The following ADAMTS17 variants were observed in gnomAD, a reference collection of about 807,000 sequenced individuals.
ADAMTS17 encodes the protein A disintegrin and metalloproteinase with thrombospondin motifs 17.
Under a neutral mutation model 141.5 loss-of-function variants are expected in ADAMTS17, and 113 were observed. The ratio of observed to expected loss-of-function variants is 0.80; its 90% CI spans 0.69 to 0.93. ADAMTS17 has a LOEUF of 0.93. Among genes scored for constraint, ADAMTS17 ranks in the 40% least tolerant of loss-of-function variants. The pLI is 0.00. For synonymous variants in ADAMTS17, 768 were observed against 630.6 expected (o/e 1.22, Z -3.27); for missense variants, 1,659 against 1,517.9 (o/e 1.09, Z -1.54).
At position 100,020,878 on chromosome 15, in the gene ADAMTS17, C is replaced by T. The variant is rs150432863; in HGVS notation, c.2592-23289G>A. Among the ~76,000 whole-genome samples, 125 of 152,076 alleles carry T rather than the reference C, an allele frequency of 8.2e-4. 1 individual carries two copies. The East Asian group carries it at 0.021, about 25-fold the overall frequency. On this transcript the variant is annotated intron_variant, in intron 18 of 21. Transcript: ENST00000268070. ...TGACGTGTCATAATCATCTTTAGTA[C>T]AGATGACAGCTTTGTCACTGGCAGC...
At chr15:100,036,515 A>T (rs1237806438) in intron 18 of ADAMTS17, among the ~76,000 whole-genome samples, 2 of 152,086 alleles carry the variant, frequency 1.3e-5, no homozygotes, top group African/African-American at 4.8e-5. Flanking sequence ...CAGCCTCTGC[A>T]CTCACGGGAG....
At chr15:100,236,712 C>A (rs574425360) in intron 7 of ADAMTS17, among the ~76,000 whole-genome samples, 1 of 152,220 alleles carries the variant, frequency 6.6e-6, no homozygotes, top group East Asian at 1.9e-4. Context: ...GTGGTGCGTG[C>A]CTCTTGTCCC....
chr15:100,151,310 G>C (rs1244215910), intron 10 of ADAMTS17, among the ~76,000 whole-genome samples: 1 of 152,206 alleles, frequency 6.6e-6, no homozygotes, highest in Non-Finnish European at 1.5e-5. Flanking sequence ...GTTTTAAGGA[G>C]CTGCCCTTTT....
intron 6 of ADAMTS17, among the ~76,000 whole-genome samples, chr15:100,260,230 G>A (rs779032290): frequency 5.3e-5 from 8 of 152,210 alleles, no homozygotes; most frequent in East Asian, 3.8e-4. Flanking sequence ...TGACTGAGAC[G>A]TCATGGGGCT....
At chr15:100,109,389 C>G (rs75723728) in intron 13 of ADAMTS17, among the ~76,000 whole-genome samples, 2 of 152,030 alleles carry the variant, frequency 1.3e-5, no homozygotes, top group East Asian at 1.9e-4. Context: ...AAGGCATCAA[C>G]TATACCCGGT....
intron 18 of ADAMTS17, among the ~76,000 whole-genome samples, chr15:100,047,838 C>A (rs573125380): frequency 6.6e-6 from 1 of 152,190 alleles, no homozygotes; most frequent in South Asian, 2.1e-4. Context: ...GTTCGTGGTA[C>A]AGCTGCTCAT....
intron 8 of ADAMTS17, among the ~76,000 whole-genome samples, chr15:100,164,512 G>A (rs569457076): frequency 6.6e-6 from 1 of 152,286 alleles, no homozygotes; most frequent in Non-Finnish European, 1.5e-5. Context: ...GGTCACATGC[G>A]AAAACAGCCA....
chr15:99,974,558 A>C lies in ADAMTS17; in HGVS notation c.3132T>G (p.Ala1044=). Residue 1044 remains alanine (A), a synonymous_variant, in exon 22 of 22, where the codon GCT becomes GCG. Coordinates refer to ENST00000268070, the MANE Select transcript of ADAMTS17 (RefSeq NM_139057.4). ...GGTCTCGTGTGCATTTGTAGGTCAG[A>C]GCAGCTAAGGGGATAGGAGAGAGAA... is the stretch of plus-strand genomic sequence containing the variant. ...ANTITSPRLA[A]LTYKCTRDQW... 6.2e-7 allele frequency: 1 copy of C among 1,614,224 alleles called. No homozygotes were observed.
chr15:100,134,106 C>A (rs573465207), intron 10 of ADAMTS17, among the ~76,000 whole-genome samples: 3 of 152,238 alleles, frequency 2.0e-5, no homozygotes, highest in Non-Finnish European at 4.4e-5. Context: ...TCTGAAGGAA[C>A]CACATGCAGA....
At chr15:100,329,922 C>A (rs1047645736) in intron 3 of ADAMTS17, among the ~76,000 whole-genome samples, 1 of 152,222 alleles carries the variant, frequency 6.6e-6, no homozygotes, top group African/African-American at 2.4e-5. Context: ...TAAACCAAGA[C>A]ACATTGTTTC....
In ADAMTS17 at chr15:100,301,355, GTC is replaced by G. The variant is rs148610042; in HGVS notation, c.617-19956_617-19955del. 5.9e-3 allele frequency among the ~76,000 whole-genome samples: 897 copies of G among 150,918 alleles called. 8 individuals are homozygous for G. The highest frequency in any genetic ancestry group is 0.02 in the Middle Eastern group (6 of 294). ...TATATATATATTTTTCTGAGACGGA[GTC>G]TCTGTTGCCCAGGCTGAAGTGCAGT... is the stretch of plus-strand genomic sequence containing the variant. On this transcript the variant is annotated intron_variant, in intron 3 of 21. Coordinates refer to ENST00000268070, the MANE Select transcript of ADAMTS17 (RefSeq NM_139057.4).
chr15:100,210,414 A>C, intron 7 of ADAMTS17, among the ~76,000 whole-genome samples: 1 of 152,104 alleles, frequency 6.6e-6, no homozygotes, highest in East Asian at 1.9e-4. Context: ...GGTGAGGTAC[A>C]TATTGTTATT....
At chr15:100,173,099 T>A (rs1176219495) in intron 8 of ADAMTS17, among the ~76,000 whole-genome samples, 1 of 152,196 alleles carries the variant, frequency 6.6e-6, no homozygotes, top group Non-Finnish European at 1.5e-5. Flanking sequence ...TAGTTCCAAG[T>A]GACGCTGATG....
intron 5 of ADAMTS17, 110 bp from the exon 6 acceptor site, chr15:100,261,746 A>G: frequency 7.9e-7 from 1 of 1,265,268 alleles, no homozygotes; most frequent in Non-Finnish European, 1.1e-6. Flanking sequence ...CTGAGACATC[A>G]TTTGATGACT....
At chr15:100,253,286 T>C (rs1026198982) in intron 7 of ADAMTS17, among the ~76,000 whole-genome samples, 1 of 144,206 alleles carries the variant, frequency 6.9e-6, no homozygotes, top group Admixed American at 7.0e-5. Context: ...CCATGAGAAC[T>C]CAAGAGCAAA....
chr15:100,072,061 G>C lies in ADAMTS17; in HGVS notation c.2138-18007C>G, dbSNP rs530745134. Among the ~76,000 whole-genome samples the C allele has an allele frequency of 1.7e-3, 246 of 148,828 alleles. 15 individuals carry two copies. The highest frequency in any genetic ancestry group is 2.3e-3 in the Admixed American group (34 of 14,980). On this transcript the variant is annotated intron_variant, in intron 15 of 21. Coordinates refer to ENST00000268070, the MANE Select transcript of ADAMTS17 (RefSeq NM_139057.4). Reference sequence around the variant, plus strand: ...CTGATAGGCAACTTCCGCAAAGTCTGAGGATACAAAATCAATGTGCAAAAA... The same window carrying C: ...CTGATAGGCAACTTCCGCAAAGTCTCAGGATACAAAATCAATGTGCAAAAA...
intron 4 of ADAMTS17, among the ~76,000 whole-genome samples, chr15:100,267,726 A>G (rs1233765294): frequency 6.6e-6 from 1 of 152,084 alleles, no homozygotes; most frequent in Non-Finnish European, 1.5e-5. Context: ...CACCTTTTAA[A>G]AAATTTTATT....
chr15:100,260,955 A>G (rs1240601715), intron 6 of ADAMTS17, among the ~76,000 whole-genome samples: 1 of 152,200 alleles, frequency 6.6e-6, no homozygotes, highest in Non-Finnish European at 1.5e-5. Context: ...TATTAAAGTA[A>G]AGCAACCAAA....
intron 18 of ADAMTS17, among the ~76,000 whole-genome samples, chr15:100,047,941 C>G (rs925280394): frequency 6.6e-6 from 1 of 152,198 alleles, no homozygotes; most frequent in African/African-American, 2.4e-5. Context: ...GCAAGGAGCA[C>G]AGAAAATCAT....
Sources: gnomAD v4.1 joint callset for allele counts (sites outside exome capture counted in the v4.1 genomes callset) on GRCh38, gnomAD v4.1.1 for gene constraint, MANE v1.5 for transcripts, NCBI Gene and HGNC (gene_info 2026-07-23, HGNC 2026-07-21) for gene names.